The following TNFRSF9 variants were observed in gnomAD, a reference collection of about 807,000 sequenced individuals.
The protein encoded by TNFRSF9 is tumor necrosis factor receptor superfamily member 9.
In TNFRSF9, 16 loss-of-function variants were observed where a neutral mutation model predicts 28.8. That is an observed-to-expected ratio of 0.55 (90% CI 0.38 to 0.84). TNFRSF9 has a LOEUF of 0.84. Ranked by LOEUF, TNFRSF9 falls within the 40% of genes least tolerant of loss-of-function variation. TNFRSF9 has a pLI of 0.00. For synonymous variants in TNFRSF9, 131 were observed against 117.0 expected, an observed-to-expected ratio of 1.12 and a Z score of -0.77; for missense variants, 303 against 315.0, an observed-to-expected ratio of 0.96 and a Z score of 0.29.
At position 7,935,066 on chromosome 1, in the gene TNFRSF9, T is replaced by C. The variant is rs924410871; in HGVS notation, c.491A>G (p.Asp164Gly). ...RDVVCGPSPA[D>G]LSPGASSVTP... ...CACAGAGGATGCTCCCGGAGAGAGG[T>C]CGGCTGGAGATGGTCCACAGACCAC... Residue 164 changes from aspartate to glycine, a missense_variant, in exon 6 of 8, where the codon GAC becomes GGC. Asp to Gly is a moderately conservative substitution (Grantham distance 94, BLOSUM62 -1). Coordinates refer to ENST00000377507, the MANE Select transcript of TNFRSF9 (RefSeq NM_001561.6). 2 of 1,614,136 alleles carry C rather than the reference T, an allele frequency of 1.2e-6. No individual in the cohort carries two copies. The highest frequency in any genetic ancestry group is 3.3e-5 in the Admixed American group (2 of 60,018).
Position 7,938,277 on chromosome 1 carries a change from A to G in TNFRSF9, c.262T>C (p.Cys88Arg). The part of the protein sequence containing the change: ...CSSTSNAECD[C>R]TPGFHCLGAG... ...CCCAGGCAGTGAAACCCTGGAGTGC[A>G]GTCACACTCTGCATTGCTGGTGGAG... is the stretch of plus-strand genomic sequence containing the variant. The change falls in exon 4 of 8, where the codon TGC (cysteine) becomes CGC (arginine). Residue 88 changes from cysteine to arginine, a missense_variant. Transcript: ENST00000377507. 6.2e-7 allele frequency: 1 copy of G among 1,609,404 alleles called. No individual in the cohort carries two copies. The highest frequency in any genetic ancestry group is 1.7e-5 in the Admixed American group (1 of 58,986).
At chr1:7,927,580 T>A (rs183230383) in intron 7 of TNFRSF9, among the ~76,000 whole-genome samples, 11 of 151,896 alleles carry the variant, frequency 7.2e-5, no homozygotes, top group Non-Finnish European at 1.3e-4. Flanking sequence ...GGAGGGAGGA[T>A]CACTTGAGCC....
chr1:7,934,790 A>G (rs1578076279), intron 6 of TNFRSF9, among the ~76,000 whole-genome samples: 1 of 152,118 alleles, frequency 6.6e-6, no homozygotes, highest in Non-Finnish European at 1.5e-5. Context: ...AAAGATATAG[A>G]CTCTGTTTGG....
Position 7,919,609 on chromosome 1 carries a change from G to A in TNFRSF9, c.*1226C>T, listed in dbSNP as rs956062800. On this transcript the variant is annotated 3_prime_UTR_variant, in exon 8 of 8. Coordinates refer to ENST00000377507, the MANE Select transcript of TNFRSF9 (RefSeq NM_001561.6). ...AATCCCAGCTACTTGGGAGACTGAG[G>A]CGGGTGGATCACTTGAGCCCAGGAG... 2.6e-5 allele frequency: 4 copies of A among 152,270 alleles called. No homozygotes were observed. The highest frequency in any genetic ancestry group is 1.3e-4 in the Admixed American group (2 of 15,286). 9.4% of individuals were successfully genotyped at this position (152,270 alleles called of 1,614,324 possible).
chr1:7,922,257 T>A (rs760894665), intron 7 of TNFRSF9, among the ~76,000 whole-genome samples: 1 of 152,214 alleles, frequency 6.6e-6, no homozygotes, highest in Non-Finnish European at 1.5e-5. Flanking sequence ...CAACGGGATG[T>A]CTTTTGAAAT....
chr1:7,923,900 T>C (rs924168474), intron 7 of TNFRSF9, among the ~76,000 whole-genome samples: 1 of 152,176 alleles, frequency 6.6e-6, no homozygotes, highest in African/African-American at 2.4e-5. Flanking sequence ...AGAACTTGTA[T>C]AGTGAAAACT....
chr1:7,921,389 C>T lies in TNFRSF9; in HGVS notation c.680-466G>A, dbSNP rs185607278. Among the ~76,000 whole-genome samples the T allele has an allele frequency of 2.9e-4, 42 of 147,268 alleles. No homozygotes were observed. The East Asian group carries it at 8.0e-3, about 28-fold the overall frequency. On this transcript the variant is annotated intron_variant, in intron 7 of 7. Coordinates refer to ENST00000377507, the MANE Select transcript of TNFRSF9 (RefSeq NM_001561.6). ...AAAACAAAACAAAACAAAAACAGGC[C>T]GGGCGCAGTGGCTCATGCCTGTAAT...
chr1:7,938,417 G>A, intron 3 of TNFRSF9, 87 bp from the exon 4 acceptor site: 2 of 1,350,546 alleles, frequency 1.5e-6, no homozygotes, highest in Non-Finnish European at 2.0e-6. Context: ...TAAAAATCAT[G>A]CTCACTCTAC....
intron 5 of TNFRSF9, among the ~76,000 whole-genome samples, chr1:7,936,072 A>G (rs1639810803): frequency 6.6e-6 from 1 of 152,124 alleles, no homozygotes; most frequent in African/African-American, 2.4e-5. Flanking sequence ...TTTTCCATGC[A>G]GACTCACTTA....
chr1:7,938,627 T>G, intron 3 of TNFRSF9, 94 bp downstream of exon 3: 1 of 1,109,332 alleles, frequency 9.0e-7, no homozygotes, highest in South Asian at 1.6e-5. Flanking sequence ...CTTTGACACT[T>G]GAGATTTTCA....
At chr1:7,933,667 C>T (rs1393804989) in intron 6 of TNFRSF9, among the ~76,000 whole-genome samples, 1 of 151,590 alleles carries the variant, frequency 6.6e-6, no homozygotes, top group Admixed American at 6.6e-5. Context: ...TGCACTCCAA[C>T]CTGGGCAACA....
intron 7 of TNFRSF9, among the ~76,000 whole-genome samples, chr1:7,923,765 G>C (rs11804729): frequency 0.018 from 2,779 of 152,194 alleles, 91 homozygotes; most frequent in African/African-American, 0.063. Flanking sequence ...TTGAGCCCAG[G>C]AAGTTGAGGC....
chr1:7,931,869 C>A (rs534772754), intron 7 of TNFRSF9, among the ~76,000 whole-genome samples: 1 of 152,218 alleles, frequency 6.6e-6, no homozygotes. Flanking sequence ...ACTGGCTGAG[C>A]GCAGTGGCTC....
Position 7,937,724 on chromosome 1 carries a change from C to A in TNFRSF9, c.379G>T (p.Asp127Tyr). The A allele has an allele frequency of 6.2e-7, 1 of 1,613,426 alleles. No individual in the cohort carries two copies. Residue 127 changes from aspartate to tyrosine, a missense_variant, in exon 5 of 8, where the codon GAT becomes TAT. Asp to Tyr is a radical substitution (Grantham distance 160). Transcript: ENST00000377507. ...GGTCGACAGATGCCACGTTTCTGAT[C>A]GTTAAATGTCCCAAAGCAACAGTCT... ...CKDCCFGTFN[D>Y]QKRGICRPWT...
At chr1:7,933,860 T>C (rs1188341249) in intron 6 of TNFRSF9, among the ~76,000 whole-genome samples, 5 of 151,252 alleles carry the variant, frequency 3.3e-5, no homozygotes, top group Non-Finnish European at 7.4e-5. Context: ...CTACTAAAAA[T>C]ACAAAAATTA....
chr1:7,929,491 G>T (rs77877573), intron 7 of TNFRSF9, among the ~76,000 whole-genome samples: 1 of 151,880 alleles, frequency 6.6e-6, no homozygotes, highest in Non-Finnish European at 1.5e-5. Flanking sequence ...TTAAAAACTC[G>T]CATCACCTTT....
chr1:7,926,395 CTA>C (rs1639651242), intron 7 of TNFRSF9, among the ~76,000 whole-genome samples: 1 of 152,150 alleles, frequency 6.6e-6, no homozygotes, highest in Non-Finnish European at 1.5e-5. Context: ...TAAGTGCCCT[CTA>C]TGATGTTCAC....
intron 7 of TNFRSF9, among the ~76,000 whole-genome samples, chr1:7,930,335 T>C (rs570760899): frequency 2.6e-4 from 40 of 152,280 alleles, no homozygotes; most frequent in African/African-American, 9.1e-4. Context: ...TCCTAACCAC[T>C]AGACTACCAG....
chr1:7,937,602 C>G (rs1326424990), intron 5 of TNFRSF9, 88 bp downstream of exon 5: 1 of 1,086,458 alleles, frequency 9.2e-7, no homozygotes, highest in Non-Finnish European at 1.4e-6. Context: ...TTGATGGGTG[C>G]AAAAAAGCTT....
Sources: allele counts gnomAD v4.1 joint callset (sites outside exome capture counted in the v4.1 genomes callset), GRCh38; gene constraint gnomAD v4.1.1; transcripts MANE v1.5; gene names NCBI Gene and HGNC (gene_info 2026-07-23, HGNC 2026-07-21).